DYDC1: variants seen among roughly 807,000 people sequenced by gnomAD.
DYDC1 encodes the protein DPY30 domain containing 1.
Under a neutral mutation model 27.9 loss-of-function variants are expected in DYDC1, and 21 were observed. That is an observed-to-expected ratio of 0.75 (90% CI 0.53 to 1.08). The LOEUF (loss-of-function observed/expected upper bound fraction) is 1.08, where lower values mean the gene tolerates loss of function less well. DYDC1 is among the 50% of genes least tolerant of loss of function. DYDC1 has a pLI of 0.00. For synonymous variants in DYDC1, 67 were observed against 65.8 expected (o/e 1.02, Z -0.09); for missense variants, 202 against 205.9 (o/e 0.98, Z 0.12).
intron 4 of DYDC1, 150 bp downstream of exon 4, chr10:80,342,119 G>C (rs1051886095): frequency 1.1e-5 from 7 of 657,404 alleles, no homozygotes; most frequent in Admixed American, 9.4e-5. Flanking sequence ...GACTGAAAAA[G>C]GTTATGAGAC....
chr10:80,351,736 T>C (rs1434406663), intron 3 of DYDC1, among the ~76,000 whole-genome samples, 165 bp downstream of exon 3: 8 of 152,238 alleles, frequency 5.3e-5, no homozygotes, highest in African/African-American at 1.7e-4. Context: ...AACTCATGGC[T>C]GCTGCTTCTC....
intron 1 of DYDC1, among the ~76,000 whole-genome samples, chr10:80,355,622 A>G (rs952991682): frequency 6.6e-6 from 1 of 152,196 alleles, no homozygotes; most frequent in African/African-American, 2.4e-5. Flanking sequence ...AACACAATGG[A>G]TTATTATGCA....
intron 3 of DYDC1, 116 bp downstream of exon 3, chr10:80,351,785 T>C: frequency 2.2e-6 from 2 of 889,286 alleles, no homozygotes. Flanking sequence ...GATGAAGATA[T>C]TAGGAAGCCA....
chr10:80,340,050 G>A (rs1354764031), intron 4 of DYDC1, among the ~76,000 whole-genome samples: 1 of 152,148 alleles, frequency 6.6e-6, no homozygotes, highest in Non-Finnish European at 1.5e-5. Flanking sequence ...GATGGTAGAA[G>A]CCACAACATT....
chr10:80,338,140 G>T (rs1341606639), intron 6 of DYDC1: 7 of 985,274 alleles, frequency 7.1e-6, no homozygotes, highest in Non-Finnish European at 4.8e-6. Flanking sequence ...TGGTTCCAGG[G>T]TTTGCTACTG....
chr10:80,354,543 T>G (rs973686388), intron 1 of DYDC1: 2 of 151,444 alleles, frequency 1.3e-5, no homozygotes, highest in African/African-American at 4.9e-5. Context: ...TGATAGGTAC[T>G]GGGAATACAA....
Position 80,351,935 on chromosome 10 carries a change from T to C in DYDC1, c.215A>G (p.Glu72Gly). The C allele has an allele frequency of 6.2e-7, 1 of 1,614,196 alleles. No homozygotes were observed. Among genetic ancestry groups the C allele is most frequent in the Non-Finnish European group, 8.5e-7 (1 of 1,180,042 alleles). The change falls in exon 3 of 7, where the codon GAG becomes GGG. Residue 72 changes from glutamate to glycine, a missense_variant. Transcript: ENST00000372202. ...ELALMEQEMMERLKAEELLLQ... is the reference protein window; with the variant it reads ...ELALMEQEMMGRLKAEELLLQ... ...TAAGAGCTCCTCTGCTTTGAGCCTC[T>C]CCATCATTTCCTGCTCCATCAGAGC...
chr10:80,343,531 C>T (rs866625670), intron 3 of DYDC1, among the ~76,000 whole-genome samples: 1 of 151,916 alleles, frequency 6.6e-6, no homozygotes. Flanking sequence ...CCCAGCTACT[C>T]AGGAGCGAGG....
intron 3 of DYDC1, among the ~76,000 whole-genome samples, 172 bp from the exon 4 acceptor site, chr10:80,342,533 T>C (rs534436267): frequency 1.2e-4 from 18 of 152,396 alleles, no homozygotes; most frequent in African/African-American, 4.3e-4. Flanking sequence ...TAATCTTCCT[T>C]AATTGCAAAT....
Position 80,352,473 on chromosome 10 carries a change from A to G in DYDC1, c.129T>C (p.Asn43=), listed in dbSNP as rs771152259. Residue 43 remains asparagine, a synonymous_variant, in exon 2 of 7, where the codon AAT becomes AAC. Coordinates refer to ENST00000372202, the MANE Select transcript of DYDC1 (RefSeq NM_001269053.2). ...TACTTACCAGTTGTTCCATGGTCAC[A>G]TTTTCCTTATACTTGTAAATCCACA... is the stretch of plus-strand genomic sequence containing the variant. ...LALWIYKYKE[N]VTMEQLRQKE... is the part of the protein sequence containing the mutation. 16 of 1,606,636 alleles carry G rather than the reference A, an allele frequency of 1.0e-5. No homozygotes were observed. In the African/African-American group the frequency reaches 1.2e-4, roughly 12 times the overall value.
intron 2 of DYDC1, 91 bp downstream of exon 2, chr10:80,352,364 C>T: frequency 1.8e-5 from 24 of 1,360,070 alleles, no homozygotes; most frequent in Non-Finnish European, 2.3e-5. Context: ...ATTTTTATAA[C>T]AGAAAAATAA....
At chr10:80,352,171 G>A (rs1054242111) in intron 2 of DYDC1, among the ~76,000 whole-genome samples, 169 bp from the exon 3 acceptor site, 3 of 152,130 alleles carry the variant, frequency 2.0e-5, no homozygotes, top group African/African-American at 7.2e-5. Context: ...TCTGAATAAT[G>A]AGCACAATAT....
At chr10:80,351,665 T>C (rs1276304339) in intron 3 of DYDC1, among the ~76,000 whole-genome samples, 1 of 152,200 alleles carries the variant, frequency 6.6e-6, no homozygotes, top group African/African-American at 2.4e-5. Context: ...GCATCTTTTG[T>C]ATCAGCAACA....
chr10:80,338,795 T>A (rs907612774), intron 5 of DYDC1, among the ~76,000 whole-genome samples: 39 of 152,308 alleles, frequency 2.6e-4, no homozygotes, highest in Admixed American at 7.2e-4. Flanking sequence ...GAACTTTTTT[T>A]AAAAATACCT....
chr10:80,336,243 C>A, intron 6 of DYDC1, 58 bp from the exon 7 acceptor site: 2 of 1,504,634 alleles, frequency 1.3e-6, no homozygotes, highest in Non-Finnish European at 8.8e-7. Context: ...TGAAAAGGCA[C>A]AAGCCAAAGA....
intron 1 of DYDC1, chr10:80,356,390 C>T (rs1843368938): frequency 1.0e-6 from 1 of 985,804 alleles, no homozygotes; most frequent in Non-Finnish European, 1.2e-6. Flanking sequence ...AGCCAGCCAA[C>T]TGGGCGGGGG....
intron 1 of DYDC1, 109 bp from the exon 2 acceptor site, chr10:80,352,719 A>G (rs930640066): frequency 7.6e-7 from 1 of 1,308,238 alleles, no homozygotes; most frequent in Admixed American, 3.6e-5. Context: ...GCCCTCAGTC[A>G]TGGACACCTC....
chr10:80,339,719 T>C, intron 4 of DYDC1, among the ~76,000 whole-genome samples: 1 of 152,188 alleles, frequency 6.6e-6, no homozygotes, highest in South Asian at 2.1e-4. Context: ...GCCATCTACC[T>C]TTTCATTCTA....
rs758523226 is a variant in DYDC1, at chr10:80,351,982, C to T, written c.168G>A (p.Lys56=). The T allele has an allele frequency of 1.9e-6, 3 of 1,614,162 alleles. No homozygotes were observed. Among genetic ancestry groups the T allele is most frequent in the South Asian group, 2.2e-5 (2 of 91,084 alleles). ...MEQLRQKEMA[K]LERERELALM... is the part of the protein sequence containing the mutation. ...GAGCTAATTCTCTTTCACGCTCCAG[C>T]TTGGCCATTTCCTTTTGTCTCTAGC... Residue 56 remains lysine, a synonymous_variant, in exon 3 of 7, where the codon AAG becomes AAA. Coordinates refer to ENST00000372202, the MANE Select transcript of DYDC1 (RefSeq NM_001269053.2).
Sources: gnomAD v4.1 joint callset for allele counts (sites outside exome capture counted in the v4.1 genomes callset) on GRCh38, gnomAD v4.1.1 for gene constraint, MANE v1.5 for transcripts, NCBI Gene and HGNC (gene_info 2026-07-23, HGNC 2026-07-21) for gene names.